Variants in FYB1 observed in about 807,000 individuals in gnomAD.
FYB1 encodes FYN binding protein 1, also known as FYN-binding protein 1.
FYB1 carries 41 observed loss-of-function variants against 94.1 expected under a neutral mutation model. The observed-to-expected ratio is 0.44, with a 90% CI of 0.34 to 0.57. The LOEUF is 0.57. Among genes scored for constraint, FYB1 ranks in the 20% least tolerant of loss-of-function variants. The probability of loss-of-function intolerance (pLI) is 0.02; values close to 1 mark genes in which losing one functional copy is unlikely to be tolerated. For missense variants in FYB1, 1,050 were observed against 976.8 expected (o/e 1.07, Z -1.00); for synonymous variants, 367 against 353.2 (o/e 1.04, Z -0.44).
chr5:39,134,242 A>G lies in FYB1; in HGVS notation c.1783T>C (p.Tyr595His). 6.2e-7 allele frequency: 1 copy of G among 1,612,794 alleles called. No individual in the cohort carries two copies. Among genetic ancestry groups the G allele is most frequent in the South Asian group, 1.1e-5 (1 of 91,042 alleles). The change falls in exon 9 of 19, where the codon TAT (tyrosine) becomes CAT (histidine). Residue 595 changes from tyrosine to histidine, a missense_variant. By Grantham distance (83) the Tyr-to-His change is moderately conservative. Transcript: ENST00000512982. ...TCATCCTGCTCTGCAACATCATCATATACTTCTTGGTCATCTTCAATAGGT... is the reference window on the plus strand; with the variant it reads ...TCATCCTGCTCTGCAACATCATCATGTACTTCTTGGTCATCTTCAATAGGT... ...SRPIEDDQEV[Y>H]DDVAEQDDIS...
intron 1 of FYB1, among the ~76,000 whole-genome samples, chr5:39,246,683 G>C (rs1751490765): frequency 6.6e-6 from 1 of 152,208 alleles, no homozygotes; most frequent in East Asian, 1.9e-4. Flanking sequence ...TAGAGAACAA[G>C]TCCAGGTTAG....
chr5:39,160,337 A>G (rs1483869886), intron 2 of FYB1, among the ~76,000 whole-genome samples: 1 of 152,172 alleles, frequency 6.6e-6, no homozygotes, highest in Admixed American at 6.5e-5. Flanking sequence ...TACTCCCCTC[A>G]ATTGCAAAGA....
At chr5:39,127,473 AT>A (rs369591842) in intron 11 of FYB1, among the ~76,000 whole-genome samples, 46 of 149,580 alleles carry the variant, frequency 3.1e-4, no homozygotes, top group African/African-American at 1.0e-3. Context: ...AAAAAAAAAA[AT>A]ACACAACACC....
rs1561230344 is a variant in FYB1 at position 39,185,623 on chromosome 5, C to CATATAT, written c.1135+16202_1135+16203insATATAT. 5.2e-3 allele frequency among the ~76,000 whole-genome samples: 716 copies of CATATAT among 138,702 alleles called. 8 individuals are homozygous for CATATAT. The highest frequency in any genetic ancestry group is 0.02 in the African/African-American group (693 of 34,054). 91.0% of individuals were successfully genotyped at this position (138,702 alleles called of 152,430 possible). A position where few individuals can be genotyped will look rare whatever the true frequency, so the allele number is the denominator to read the frequency against. On this transcript the variant is annotated intron_variant, in intron 2 of 18. Transcript: ENST00000512982. ...ATATATATACACATATATATATATA[C>CATATAT]ACACATATATATATATATACACACA...
chr5:39,139,451 T>C (rs1741958802), intron 4 of FYB1, 199 bp from the exon 5 acceptor site: 1 of 386,932 alleles, frequency 2.6e-6, no homozygotes, highest in Non-Finnish European at 4.4e-6. Flanking sequence ...GGTGACTTAA[T>C]TATAAAATCA....
upstream of FYB1, among the ~76,000 whole-genome samples, chr5:39,224,540 A>G (rs1750393150): frequency 6.6e-6 from 1 of 152,164 alleles, no homozygotes; most frequent in Non-Finnish European, 1.5e-5. Context: ...CATCCTGATC[A>G]CAGTTCATTA....
At chr5:39,236,929 G>C (rs1206445630) in intron 1 of FYB1, among the ~76,000 whole-genome samples, 1 of 152,134 alleles carries the variant, frequency 6.6e-6, no homozygotes, top group Non-Finnish European at 1.5e-5. Flanking sequence ...AAGACTACAA[G>C]ACTACTCAAG....
At chr5:39,245,427 G>A (rs1466399382) in intron 1 of FYB1, among the ~76,000 whole-genome samples, 2 of 152,080 alleles carry the variant, frequency 1.3e-5, no homozygotes, top group Non-Finnish European at 2.9e-5. Flanking sequence ...TGGTTAGATG[G>A]GTTATTCTTC....
intron 2 of FYB1, among the ~76,000 whole-genome samples, chr5:39,184,467 T>C (rs144513164): frequency 1.3e-5 from 2 of 152,188 alleles, no homozygotes; most frequent in African/African-American, 4.8e-5. Context: ...TTGGTGAGTT[T>C]GAACATGAAA....
At chr5:39,161,633 T>C (rs12188118) in intron 2 of FYB1, among the ~76,000 whole-genome samples, 90,659 of 151,506 alleles carry the variant, frequency 0.6, 29,542 homozygotes, top group Non-Finnish European at 0.72. Flanking sequence ...TTGCATGGAT[T>C]TACCTTATTT....
rs1337777295 is a variant in FYB1, at chr5:39,158,727, G to A, written c.1136-5123C>T. Among the ~76,000 whole-genome samples the A allele has an allele frequency of 3.9e-5, 6 of 152,104 alleles. No homozygotes were observed. The East Asian group carries it at 1.2e-3, about 29-fold the overall frequency. On this transcript the variant is annotated intron_variant, in intron 2 of 18. Transcript: ENST00000512982. The stretch of plus-strand genomic sequence containing the variant: ...CTAAGAAGGTACCTAAAGTCTTCAT[G>A]TCCCGAGGGGCATAAGGAACATGTG...
intron 1 of FYB1, among the ~76,000 whole-genome samples, chr5:39,237,975 C>A (rs1219204958): frequency 6.6e-6 from 1 of 152,052 alleles, no homozygotes; most frequent in Non-Finnish European, 1.5e-5. Flanking sequence ...GATATAGAAG[C>A]ATTATGACAT....
At chr5:39,154,969 AT>A (rs1428880727) in intron 2 of FYB1, among the ~76,000 whole-genome samples, 1 of 152,168 alleles carries the variant, frequency 6.6e-6, no homozygotes, top group Admixed American at 6.5e-5. Context: ...TTTCTAAAAT[AT>A]TTTTATTAAG....
chr5:39,136,991 G>A (rs780637496), intron 7 of FYB1, among the ~76,000 whole-genome samples: 4 of 152,068 alleles, frequency 2.6e-5, no homozygotes, highest in East Asian at 1.9e-4. Flanking sequence ...TGAGTGTAGC[G>A]TTTACTGGTG....
chr5:39,231,435 A>G (rs1750741008), intron 1 of FYB1, among the ~76,000 whole-genome samples: 2 of 152,188 alleles, frequency 1.3e-5, no homozygotes, highest in South Asian at 2.1e-4. Context: ...TGAATAAGAA[A>G]AAAATCTCTT....
chr5:39,212,230 C>T (rs910392766), intron 1 of FYB1, among the ~76,000 whole-genome samples: 1 of 151,982 alleles, frequency 6.6e-6, no homozygotes, highest in African/African-American at 2.4e-5. Flanking sequence ...ATTGCTTGAG[C>T]CCGGGAGGTC....
intron 3 of FYB1, among the ~76,000 whole-genome samples, chr5:39,152,561 T>C (rs1193457927): frequency 6.6e-6 from 1 of 152,236 alleles, no homozygotes; most frequent in Non-Finnish European, 1.5e-5. Flanking sequence ...AGAAAGGGAA[T>C]ATCTAGTCCA....
upstream of FYB1, among the ~76,000 whole-genome samples, chr5:39,219,870 G>T (rs1021957654): frequency 1.3e-5 from 2 of 152,152 alleles, no homozygotes; most frequent in Admixed American, 1.3e-4. Flanking sequence ...ACACACCCAG[G>T]AGTGTCACCT....
chr5:39,113,503 G>A (rs953770175), intron 16 of FYB1, among the ~76,000 whole-genome samples: 1 of 152,118 alleles, frequency 6.6e-6, no homozygotes, highest in South Asian at 2.1e-4. Context: ...CCTCCCATAT[G>A]TGCCAGTTAA....
Sources: allele counts gnomAD v4.1 joint callset (sites outside exome capture counted in the v4.1 genomes callset), GRCh38; gene constraint gnomAD v4.1.1; transcripts MANE v1.5; gene names NCBI Gene and HGNC (gene_info 2026-07-23, HGNC 2026-07-21).